The following TMEM230 variants were observed in gnomAD, a reference collection of about 807,000 sequenced individuals.
TMEM230 encodes the protein transmembrane protein 230, also known as UPF0414 transmembrane protein C20orf30.
Under a neutral mutation model 15.8 loss-of-function variants are expected in TMEM230, and 10 were observed. The ratio of observed to expected loss-of-function variants is 0.63; its 90% CI spans 0.39 to 1.07. The LOEUF is 1.07. Among genes scored for constraint, TMEM230 ranks in the 50% least tolerant of loss-of-function variants. The pLI, the probability that TMEM230 is intolerant of heterozygous loss-of-function variation, is 0.01. For synonymous variants in TMEM230, 67 were observed against 76.9 expected (o/e 0.87, Z 0.68); for missense variants, 165 against 193.3 (o/e 0.85, Z 0.87).
chr20:5,081,795 C>G (rs1023051255), intron 3 of TMEM230, among the ~76,000 whole-genome samples: 3 of 151,788 alleles, frequency 2.0e-5, no homozygotes, highest in African/African-American at 7.3e-5. Context: ...GGAACACTCT[C>G]ATTATGACGA....
In TMEM230 at chr20:5,087,695, G is replaced by C. The variant is rs1302086814; in HGVS notation, c.223-18346C>G. On this transcript the variant is annotated intron_variant, in intron 3 of 3. Transcript: ENST00000612323. ...TGGTAAATAGGCCAAAGAAAGTATG[G>C]CTTTTTTTTTTTTTTTTTTTTTTCC... Among the ~76,000 whole-genome samples, 5 of 115,336 alleles carry C rather than the reference G, an allele frequency of 4.3e-5. No individual in the cohort carries two copies. In the East Asian group the frequency reaches 1.8e-3, roughly 41 times the overall value. 75.7% of individuals were successfully genotyped at this position (115,336 alleles called of 152,430 possible). A position where few individuals can be genotyped will look rare whatever the true frequency, so the allele number is the denominator to read the frequency against.
intron 3 of TMEM230, among the ~76,000 whole-genome samples, chr20:5,085,970 T>A (rs1404383582): frequency 6.6e-6 from 1 of 152,206 alleles, no homozygotes; most frequent in Non-Finnish European, 1.5e-5. Context: ...GGCTGCTCCA[T>A]CAGTCCAGAT....
intron 3 of TMEM230, among the ~76,000 whole-genome samples, chr20:5,082,469 T>A (rs2089210846): frequency 6.6e-6 from 1 of 152,134 alleles, no homozygotes; most frequent in South Asian, 2.1e-4. Flanking sequence ...TGAGACAGAG[T>A]CTTGCTCTGT....
chr20:5,102,875 AAGG>A (rs1397099240), intron 4 of TMEM230, among the ~76,000 whole-genome samples: 4 of 152,214 alleles, frequency 2.6e-5, no homozygotes, highest in African/African-American at 9.6e-5. Flanking sequence ...AATCCTCAAT[AAGG>A]AGGATAATAC....
downstream of TMEM230, among the ~76,000 whole-genome samples, chr20:5,095,687 C>T (rs1250022489): frequency 3.3e-5 from 5 of 152,138 alleles, no homozygotes; most frequent in East Asian, 9.6e-4. Context: ...CATCAGTCAG[C>T]GCTTCTCAGA....
intron 3 of TMEM230, among the ~76,000 whole-genome samples, chr20:5,081,479 A>G (rs992230698): frequency 2.6e-5 from 4 of 152,220 alleles, no homozygotes; most frequent in Non-Finnish European, 5.9e-5. Context: ...GAACAATTTG[A>G]TGTGTGTCCA....
intron 3 of TMEM230, among the ~76,000 whole-genome samples, chr20:5,108,641 T>C (rs994284450): frequency 2.6e-5 from 4 of 152,200 alleles, no homozygotes; most frequent in South Asian, 4.1e-4. Context: ...CCTTCAAATG[T>C]GGGTCCAAAG....
chr20:5,099,245 A>G (rs571333914), downstream of TMEM230, among the ~76,000 whole-genome samples: 2,691 of 50,326 alleles, frequency 0.053, 83 homozygotes, highest in African/African-American at 0.13. Context: ...TCAATCAATC[A>G]ATAATAAATA....
At chr20:5,111,787 G>T in intron 1 of TMEM230, 1 of 981,680 alleles carries the variant, frequency 1.0e-6, no homozygotes, top group Non-Finnish European at 1.2e-6. Context: ...GATGCCAGCT[G>T]TTCTAAGTAC....
intron 3 of TMEM230, among the ~76,000 whole-genome samples, chr20:5,076,072 G>A (rs114688396): frequency 0.013 from 2,027 of 151,604 alleles, 49 homozygotes; most frequent in African/African-American, 0.046. Context: ...TAGTGTCACT[G>A]CACTCCAACC....
At position 5,092,105 on chromosome 20, in the gene TMEM230, T is replaced by C. The variant is rs151188317; in HGVS notation, c.222+14083A>G. 9.5e-3 allele frequency among the ~76,000 whole-genome samples: 1,446 copies of C among 152,324 alleles called. 11 individuals are homozygous for C. Among genetic ancestry groups the C allele is most frequent in the Non-Finnish European group, 0.016 (1,074 of 68,036 alleles). On this transcript the variant is annotated intron_variant, in intron 3 of 3. Transcript: ENST00000612323. ...TTTGTGCCTGCCTCCTTTGTTTTCCTAGATTGCAAAGTCGTAATCTCCACA... is the reference window on the plus strand; with the variant it reads ...TTTGTGCCTGCCTCCTTTGTTTTCCCAGATTGCAAAGTCGTAATCTCCACA...
At chr20:5,062,229 A>C in the TMEM230 span, among the ~76,000 whole-genome samples, 1 of 147,816 alleles carries the variant, frequency 6.8e-6, no homozygotes, top group African/African-American at 2.6e-5. Context: ...TCTCAAAAAA[A>C]AGAAAAAAAA....
chr20:5,093,542 A>G (rs1008294805), intron 3 of TMEM230, among the ~76,000 whole-genome samples: 1 of 149,688 alleles, frequency 6.7e-6, no homozygotes. Context: ...CGCCTGATTT[A>G]TTTATTTATT....
intron 3 of TMEM230, among the ~76,000 whole-genome samples, chr20:5,074,722 T>G (rs1305998326): frequency 6.6e-6 from 1 of 152,114 alleles, no homozygotes; most frequent in African/African-American, 2.4e-5. Context: ...GCGAATCACT[T>G]GAGCTAAGGA....
the TMEM230 span, among the ~76,000 whole-genome samples, chr20:5,062,741 A>G: frequency 6.6e-6 from 1 of 152,068 alleles, no homozygotes; most frequent in African/African-American, 2.4e-5. Flanking sequence ...CCAGCCTGGG[A>G]AACAGAGTGA....
intron 3 of TMEM230, chr20:5,069,477 G>A: frequency 1.1e-6 from 1 of 928,314 alleles, no homozygotes; most frequent in Non-Finnish European, 1.6e-6. Flanking sequence ...GAAGGCCTGT[G>A]TGAGGCAGGA....
At chr20:5,060,321 C>T in the TMEM230 span, among the ~76,000 whole-genome samples, 442 of 146,644 alleles carry the variant, frequency 3.0e-3, 4 homozygotes, top group African/African-American at 0.011. Flanking sequence ...ATATGTTATA[C>T]AGTGTATTGT....
chr20:5,087,629 G>C (rs2089382069), intron 3 of TMEM230, among the ~76,000 whole-genome samples: 2 of 150,676 alleles, frequency 1.3e-5, no homozygotes, highest in Non-Finnish European at 3.0e-5. Flanking sequence ...CCTAGCTGGG[G>C]GTCCAGCCCT....
At chr20:5,099,239 TCAATCAATAATA>T (rs1170183524), downstream of TMEM230, among the ~76,000 whole-genome samples, 1 of 17,834 alleles carries the variant, frequency 5.6e-5, no homozygotes, top group South Asian at 4.8e-3. Context: ...AATAAATCAA[TCAATCAATAATA>T]AATAAAAAAA....
Sources: gnomAD v4.1 joint callset for allele counts (sites outside exome capture counted in the v4.1 genomes callset) on GRCh38, gnomAD v4.1.1 for gene constraint, MANE v1.5 for transcripts, NCBI Gene and HGNC (gene_info 2026-07-23, HGNC 2026-07-21) for gene names.